Variants in HTD2 observed in about 807,000 individuals in gnomAD.
HTD2 encodes hydroxyacyl-thioester dehydratase type 2.
A neutral mutation model predicts 3.1 loss-of-function variants in HTD2; 1 was observed. That is an observed-to-expected ratio of 0.32 (90% CI 0.11 to 1.52). HTD2 has a LOEUF of 1.52. Among genes scored for constraint, HTD2 ranks in the 40% most tolerant of loss-of-function variants. The pLI is 0.39. For synonymous variants in HTD2, 50 were observed against 28.9 expected, an observed-to-expected ratio of 1.73 and a Z score of -2.34; for missense variants, 150 against 79.6, an observed-to-expected ratio of 1.88 and a Z score of -3.36.
At chr3:58,310,675 G>A (rs898942841) in intron 2 of HTD2, 84 bp downstream of exon 2, 45 of 1,179,112 alleles carry the variant, frequency 3.8e-5, no homozygotes, top group Non-Finnish European at 5.1e-5. Context: ...GCTCACGCCT[G>A]TAATCCCAGC....
intron 2 of HTD2, among the ~76,000 whole-genome samples, chr3:58,312,662 G>A (rs2097483572): frequency 6.6e-6 from 1 of 152,016 alleles, no homozygotes; most frequent in Non-Finnish European, 1.5e-5. Flanking sequence ...CACTTTTAAT[G>A]AGAAAGTCTC....
Position 58,317,439 on chromosome 3 carries a change from G to A in HTD2, c.-174-1G>A. On this transcript the variant is annotated splice_acceptor_variant, in intron 4 of 4. Transcript: ENST00000461393. LOFTEE classifies it low-confidence loss of function (5UTR_SPLICE). ...CCTTAACCTTTTTCTTTCTCTTCTAGGTTTCTCCATTTCTTCTTGCATTAT... is the reference window on the plus strand; with the variant it reads ...CCTTAACCTTTTTCTTTCTCTTCTAAGTTTCTCCATTTCTTCTTGCATTAT... 6.3e-7 allele frequency: 1 copy of A among 1,591,120 alleles called. No individual in the cohort carries two copies. Among genetic ancestry groups the A allele is most frequent in the Non-Finnish European group, 8.6e-7 (1 of 1,160,468 alleles).
intron 1 of HTD2, among the ~76,000 whole-genome samples, chr3:58,307,372 G>T (rs1215295257): frequency 1.3e-5 from 2 of 152,162 alleles, no homozygotes; most frequent in African/African-American, 4.8e-5. Context: ...GGAGTAGGGA[G>T]AATCAGATTT....
chr3:58,314,280 G>A (rs537885665), intron 2 of HTD2, among the ~76,000 whole-genome samples: 2 of 152,346 alleles, frequency 1.3e-5, no homozygotes, highest in Admixed American at 1.3e-4. Context: ...GAACCTGGGA[G>A]GCGGAGGTTG....
In HTD2 at chr3:58,311,352, G is replaced by A. The variant is rs142054610; in HGVS notation, c.-331+761G>A. ...GTATTTTTACTAGAGACAGGGTTTC[G>A]TCATGTTGGCCAGGCTGGTCTTGAA... On this transcript the variant is annotated intron_variant, in intron 2 of 4. Transcript: ENST00000461393. 3.9e-3 allele frequency among the ~76,000 whole-genome samples: 598 copies of A among 152,210 alleles called. 4 individuals carry two copies. The highest frequency in any genetic ancestry group is 5.3e-3 in the Non-Finnish European group (360 of 67,996).
At chr3:58,312,830 G>A (rs1157281500) in intron 2 of HTD2, among the ~76,000 whole-genome samples, 2 of 151,918 alleles carry the variant, frequency 1.3e-5, no homozygotes, top group Non-Finnish European at 2.9e-5. Flanking sequence ...GCATGGTGGC[G>A]CACGCTTGTA....
At chr3:58,315,733 A>G (rs9985315) in intron 2 of HTD2, 11,986 of 152,288 alleles carry the variant, frequency 0.079, 601 homozygotes, top group South Asian at 0.1. Flanking sequence ...CTGGAGTGCA[A>G]TGGCACGATC....
intron 1 of HTD2, among the ~76,000 whole-genome samples, chr3:58,307,322 T>G (rs749924212): frequency 6.6e-6 from 1 of 152,132 alleles, no homozygotes; most frequent in Non-Finnish European, 1.5e-5. Context: ...TGAGTAGATG[T>G]TAATAGACTC....
chr3:58,314,673 G>GAAT (rs2097486294), intron 2 of HTD2, among the ~76,000 whole-genome samples: 1 of 106,706 alleles, frequency 9.4e-6, no homozygotes, highest in East Asian at 4.7e-4. Context: ...TAGTTTGGCA[G>GAAT]TATTTTTTTT....
chr3:58,310,653 C>A, intron 2 of HTD2, 62 bp downstream of exon 2: 1 of 1,443,766 alleles, frequency 6.9e-7, no homozygotes, highest in Non-Finnish European at 9.6e-7. Context: ...CAGAAAGAGG[C>A]CGGGCGCGGT....
intron 2 of HTD2, chr3:58,315,650 TG>T (rs2097487468): frequency 6.6e-6 from 1 of 152,268 alleles, no homozygotes. Context: ...GAAGAGTGCA[TG>T]AACCTCCCTG....
chr3:58,313,276 T>C (rs2097484445), intron 2 of HTD2, among the ~76,000 whole-genome samples: 1 of 152,128 alleles, frequency 6.6e-6, no homozygotes, highest in South Asian at 2.1e-4. Flanking sequence ...AGGCTCCTCA[T>C]GAAAAAAAGA....
intron 2 of HTD2, among the ~76,000 whole-genome samples, chr3:58,314,675 A>ATTTTTTTTTTTTTTTTTTTTTTTTTT (rs751757663): frequency 7.7e-5 from 7 of 90,560 alleles, no homozygotes; most frequent in Non-Finnish European, 5.8e-5. Flanking sequence ...GTTTGGCAGT[A>ATTTTTTTTTTTTTTTTTTTTTTTTTT]TTTTTTTTTT....
chr3:58,313,256 CTCA>C (rs1425696406), intron 2 of HTD2, among the ~76,000 whole-genome samples: 2 of 151,936 alleles, frequency 1.3e-5, no homozygotes, highest in Non-Finnish European at 2.9e-5. Flanking sequence ...GAGACTCGGT[CTCA>C]AAAAAAAGGC....
chr3:58,315,202 T>C (rs1287854453), intron 2 of HTD2, among the ~76,000 whole-genome samples: 1 of 152,118 alleles, frequency 6.6e-6, no homozygotes, highest in Non-Finnish European at 1.5e-5. Context: ...TGGAATATAC[T>C]CGACAGTGAA....
In HTD2 at chr3:58,319,648, G is replaced by A. The variant is rs1018220257; in HGVS notation, c.*1528G>A. ...TGCTTATAGTAAAAAAAAAAAAATT[G>A]TAAGAAATAAATATTAAGAAGATTA... On this transcript the variant is annotated 3_prime_UTR_variant, in exon 5 of 5. Transcript: ENST00000461393. 2.7e-5 allele frequency: 4 copies of A among 149,218 alleles called. No homozygotes were observed. The highest frequency in any genetic ancestry group is 5.9e-5 in the Non-Finnish European group (4 of 67,624). 9.2% of individuals were successfully genotyped at this position (149,218 alleles called of 1,614,324 possible).
intron 2 of HTD2, among the ~76,000 whole-genome samples, chr3:58,313,632 G>T (rs555689917): frequency 3.9e-5 from 6 of 152,192 alleles, no homozygotes; most frequent in African/African-American, 1.4e-4. Context: ...AGGCCAGCCT[G>T]GGTATCTGGT....
chr3:58,316,480 A>G, intron 2 of HTD2, 35 bp from the exon 3 acceptor site: 3 of 1,567,586 alleles, frequency 1.9e-6, no homozygotes, highest in Non-Finnish European at 2.6e-6. Context: ...AATAATGGTG[A>G]GAATAGCCTG....
Position 58,318,157 on chromosome 3 carries a change from G to C in HTD2, c.*37G>C. The C allele has an allele frequency of 1.6e-6, 1 of 615,360 alleles. No homozygotes were observed. The highest frequency in any genetic ancestry group is 2.9e-6 in the Non-Finnish European group (1 of 347,594). The allele number at this position is 615,360 out of a possible 1,614,324, so 38.1% of individuals were successfully genotyped here. A position where few individuals can be genotyped will look rare whatever the true frequency, so the allele number is the denominator to read the frequency against. ...TAAAGATGCAACCTCAAACACCAAT[G>C]CTGTTGTTAAAGAGCCTATGGGGAA... On this transcript the variant is annotated 3_prime_UTR_variant, in exon 5 of 5. Coordinates refer to ENST00000461393, the MANE Select transcript of HTD2 (RefSeq NM_001348712.2).
Sources: allele counts gnomAD v4.1 joint callset (sites outside exome capture counted in the v4.1 genomes callset), GRCh38; gene constraint gnomAD v4.1.1; transcripts MANE v1.5; gene names NCBI Gene and HGNC (gene_info 2026-07-23, HGNC 2026-07-21).